Variants in SMCHD1 observed in about 807,000 individuals in gnomAD.
SMCHD1 encodes structural maintenance of chromosomes flexible hinge domain containing 1.
In SMCHD1, 78 loss-of-function variants were observed where a neutral mutation model predicts 254.7. The observed-to-expected ratio is 0.31, with a 90% CI of 0.26 to 0.37. The LOEUF is 0.37. SMCHD1 is among the 10% of genes least tolerant of loss of function. The pLI, the probability that SMCHD1 is intolerant of heterozygous loss-of-function variation, is 1.00. For missense variants in SMCHD1, 1,840 were observed against 2,408.1 expected, an observed-to-expected ratio of 0.76 and a Z score of 4.94; for synonymous variants, 766 against 794.9, an observed-to-expected ratio of 0.96 and a Z score of 0.61.
chr18:2,799,588 T>G (rs1460970346), intron 47 of SMCHD1, among the ~76,000 whole-genome samples: 1 of 152,172 alleles, frequency 6.6e-6, no homozygotes, highest in Non-Finnish European at 1.5e-5. Flanking sequence ...AGAATTACAC[T>G]TCCTTCTCTA....
chr18:2,658,012 C>T (rs1257649238), intron 1 of SMCHD1, among the ~76,000 whole-genome samples: 3 of 151,824 alleles, frequency 2.0e-5, no homozygotes, highest in Non-Finnish European at 2.9e-5. Context: ...AGGCTAGTCT[C>T]GAGCTCCTGG....
chr18:2,730,271 C>T (rs757684909), intron 24 of SMCHD1, among the ~76,000 whole-genome samples: 4 of 152,002 alleles, frequency 2.6e-5, no homozygotes, highest in Non-Finnish European at 4.4e-5. Flanking sequence ...CCTGGGTTCA[C>T]GCCATTCCCC....
At chr18:2,707,500 CT>C (rs1477977054) in intron 15 of SMCHD1, 62 bp from the exon 16 acceptor site, 6 of 968,034 alleles carry the variant, frequency 6.2e-6, no homozygotes, top group Non-Finnish European at 7.9e-6. Flanking sequence ...TAACTCGTAT[CT>C]TTTTAATTAA....
chr18:2,706,638 A>G, intron 15 of SMCHD1, 168 bp downstream of exon 15: 1 of 447,742 alleles, frequency 2.2e-6, no homozygotes, highest in Non-Finnish European at 4.0e-6. Context: ...GTCTAGTTAT[A>G]CAAACAGAAT....
intron 44 of SMCHD1, 109 bp from the exon 45 acceptor site, chr18:2,784,341 A>T: frequency 1.1e-6 from 1 of 933,890 alleles, no homozygotes; most frequent in Non-Finnish European, 1.5e-6. Flanking sequence ...TTTTGAAAAT[A>T]CTACTGTGAT....
Position 2,729,311 on chromosome 18 carries a change from G to A in SMCHD1, c.2950G>A (p.Asp984Asn). 1 of 1,555,620 alleles carries A rather than the reference G, an allele frequency of 6.4e-7. No individual in the cohort carries two copies. The highest frequency in any genetic ancestry group is 8.7e-7 in the Non-Finnish European group (1 of 1,151,362). ...GAPNLPVYVV[D>N]CSSSGTSILT... is the part of the protein sequence containing the mutation. ...TCCAAACCTTCCAGTCTATGTTGTA[G>A]ATTGCAGTAGTTCTGGAACCAGTAT... The change falls in exon 24 of 48, where the codon GAT becomes AAT. Residue 984 changes from aspartate to asparagine, a missense_variant. This residue lies in a region of SMCHD1 where 881 missense variants were observed against 1,009.5 expected (regional missense o/e 0.87). Coordinates refer to ENST00000320876, the MANE Select transcript of SMCHD1 (RefSeq NM_015295.3).
chr18:2,707,735 G>A (rs763098467), intron 16 of SMCHD1, 72 bp from the exon 17 acceptor site: 2 of 1,468,728 alleles, frequency 1.4e-6, no homozygotes, highest in Non-Finnish European at 1.9e-6. Flanking sequence ...ATATTAAAAT[G>A]CAATGGGAAG....
chr18:2,723,712 G>A (rs1331001573), intron 20 of SMCHD1, among the ~76,000 whole-genome samples: 1 of 152,096 alleles, frequency 6.6e-6, no homozygotes, highest in African/African-American at 2.4e-5. Context: ...CTGGTTCAGA[G>A]ATCTTCTGTT....
intron 41 of SMCHD1, among the ~76,000 whole-genome samples, chr18:2,774,344 A>G (rs2076032080): frequency 6.6e-6 from 1 of 151,964 alleles, no homozygotes; most frequent in African/African-American, 2.4e-5. Flanking sequence ...TTGCATGTTC[A>G]TTTTCTTACC....
At chr18:2,770,925 G>A (rs893356651) in intron 39 of SMCHD1, among the ~76,000 whole-genome samples, 1 of 152,054 alleles carries the variant, frequency 6.6e-6, no homozygotes, top group Non-Finnish European at 1.5e-5. Context: ...CCCAGCCTAC[G>A]TTTGCTGCAA....
intron 5 of SMCHD1, among the ~76,000 whole-genome samples, chr18:2,678,018 T>C (rs931711182): frequency 6.6e-6 from 1 of 152,248 alleles, no homozygotes; most frequent in South Asian, 2.1e-4. Context: ...CGACATACTC[T>C]GTAGTATACA....
At position 2,739,511 on chromosome 18, in the gene SMCHD1, G is replaced by C. The variant is rs752104741; in HGVS notation, c.3505G>C (p.Gly1169Arg). The change falls in exon 27 of 48, where the codon GGA (glycine) becomes CGA (arginine). Residue 1169 changes from glycine (G) to arginine (R), a missense_variant. By Grantham distance (125) the Gly-to-Arg change is moderately radical. Around this residue, in one of 9 missense-constraint regions of SMCHD1, gnomAD observed 881 missense variants for 1,009.5 expected, o/e 0.87. Coordinates refer to ENST00000320876, the MANE Select transcript of SMCHD1 (RefSeq NM_015295.3). ...KTVQMGQELQ[G>R]EVVIIITDQY... is the part of the protein sequence containing the mutation. The stretch of plus-strand genomic sequence containing the variant: ...AGTACAGATGGGCCAAGAGCTTCAA[G>C]GAGAAGTAGGTTAGTATGGCTTGCT... 1 of 1,612,604 alleles carries C rather than the reference G, an allele frequency of 6.2e-7. No individual in the cohort carries two copies. Among genetic ancestry groups the C allele is most frequent in the Non-Finnish European group, 8.5e-7 (1 of 1,179,074 alleles).
intron 44 of SMCHD1, among the ~76,000 whole-genome samples, chr18:2,779,497 T>G (rs1274222651): frequency 6.6e-6 from 1 of 152,186 alleles, no homozygotes; most frequent in Non-Finnish European, 1.5e-5. Flanking sequence ...GGAACATCCT[T>G]GACTTGATTT....
intron 7 of SMCHD1, among the ~76,000 whole-genome samples, chr18:2,693,625 TG>T (rs200369015): frequency 0.065 from 9,287 of 143,748 alleles, 910 homozygotes; most frequent in African/African-American, 0.22. Flanking sequence ...CCATGTTTTT[TG>T]TTTGTTTGTT....
In SMCHD1 at chr18:2,666,086, ATT is replaced by A. The variant is rs531823282; in HGVS notation, c.187-67_187-66del. The A allele has an allele frequency of 1.4e-3, 989 of 708,868 alleles. 17 individuals are homozygous for A. The South Asian group carries it at 0.019, about 14-fold the overall frequency. The allele number at this position is 708,868 out of a possible 1,614,324, so 43.9% of individuals were successfully genotyped here. On this transcript the variant is annotated intron_variant, in intron 1 of 47. Coordinates refer to ENST00000320876, the MANE Select transcript of SMCHD1 (RefSeq NM_015295.3). ...TATAATGTACTATCAATATTTTCAT[ATT>A]TTTATAAATTTGAATAATACATTTA... is the stretch of plus-strand genomic sequence containing the variant.
chr18:2,690,703 C>G (rs2074156763), intron 7 of SMCHD1, among the ~76,000 whole-genome samples: 1 of 148,346 alleles, frequency 6.7e-6, no homozygotes, highest in Admixed American at 6.8e-5. Context: ...AGACTGGTCT[C>G]AAACTCCTGA....
At chr18:2,665,366 G>C (rs972595385) in intron 1 of SMCHD1, among the ~76,000 whole-genome samples, 1 of 151,610 alleles carries the variant, frequency 6.6e-6, no homozygotes, top group Non-Finnish European at 1.5e-5. Context: ...TGTTGCTCAG[G>C]CTGGAGTGCA....
At chr18:2,782,538 G>A (rs777953488) in intron 44 of SMCHD1, among the ~76,000 whole-genome samples, 3 of 151,572 alleles carry the variant, frequency 2.0e-5, no homozygotes, top group African/African-American at 2.4e-5. Flanking sequence ...GCAAGAGTTC[G>A]AGACCAGCCT....
chr18:2,728,739 A>G lies in SMCHD1; in HGVS notation c.2913+143A>G, dbSNP rs1047398972. 1.0e-5 allele frequency: 8 copies of G among 769,960 alleles called. No individual in the cohort carries two copies. In the African/African-American group the frequency reaches 1.6e-4, roughly 16 times the overall value. The allele number at this position is 769,960 out of a possible 1,614,324, so 47.7% of individuals were successfully genotyped here. A position where few individuals can be genotyped will look rare whatever the true frequency, so the allele number is the denominator to read the frequency against. The stretch of plus-strand genomic sequence containing the variant: ...AAGGATTTGTGGGATCTTATTGCCA[A>G]TAGTTTTTTTTTTTTAATCGTACCT... On this transcript the variant is annotated intron_variant, in intron 23 of 47. Transcript: ENST00000320876.
Sources: allele counts gnomAD v4.1 joint callset (sites outside exome capture counted in the v4.1 genomes callset), GRCh38; gene constraint gnomAD v4.1.1; regional missense constraint gnomAD v4.1.1; transcripts MANE v1.5; gene names NCBI Gene and HGNC (gene_info 2026-07-23, HGNC 2026-07-21).